SYNE2: variants seen among roughly 807,000 people sequenced by gnomAD.
SYNE2 encodes nesprin-2.
A neutral mutation model predicts 856.3 loss-of-function variants in SYNE2; 431 were observed. The ratio of observed to expected loss-of-function variants is 0.50; its 90% CI spans 0.47 to 0.55. The LOEUF is 0.55. Among genes scored for constraint, SYNE2 ranks in the 20% least tolerant of loss-of-function variants. The pLI, the probability that SYNE2 is intolerant of heterozygous loss-of-function variation, is 0.00. For synonymous variants in SYNE2, 2,923 were observed against 2,872.3 expected, an observed-to-expected ratio of 1.02 and a Z score of -0.56; for missense variants, 8,129 against 8,023.2, an observed-to-expected ratio of 1.01 and a Z score of -0.50.
chr14:63,997,032 A>C lies in SYNE2; in HGVS notation c.3026A>C (p.Gln1009Pro). Residue 1009 changes from glutamine (Q) to proline (P), a missense_variant, in exon 24 of 116, where the codon CAG (glutamine) becomes CCG (proline). By Grantham distance (76) the Gln-to-Pro change is moderately conservative. Coordinates refer to ENST00000555002, the MANE Select transcript of SYNE2 (RefSeq NM_182914.3). ...GAGCTGTGTGAAGAGCTGCCTTCAC[A>C]GAAGAGTCAACAAGAAGTGAAGAGA... Reference protein sequence around the residue: ...LRELCEELPSQKSQQEVKRLL... With the variant: ...LRELCEELPSPKSQQEVKRLL... 6.2e-7 allele frequency: 1 copy of C among 1,614,158 alleles called. No individual in the cohort carries two copies. The highest frequency in any genetic ancestry group is 1.1e-5 in the South Asian group (1 of 91,086).
intron 63 of SYNE2, chr14:64,099,595 G>A (rs916527099): frequency 9.2e-5 from 14 of 152,326 alleles, no homozygotes; most frequent in East Asian, 3.9e-4. Context: ...AGAGAACTAC[G>A]AAAATAATGG....
intron 65 of SYNE2, among the ~76,000 whole-genome samples, chr14:64,108,554 C>T (rs1473846859): frequency 6.6e-6 from 1 of 152,132 alleles, no homozygotes; most frequent in African/African-American, 2.4e-5. Context: ...CTCCAAGGGT[C>T]TCATCAAATA....
At chr14:64,113,634 G>C (rs2097830430) in intron 66 of SYNE2, 63 bp downstream of exon 66, 2 of 1,505,284 alleles carry the variant, frequency 1.3e-6, no homozygotes, top group Admixed American at 3.9e-5. Context: ...AAGATTGGGT[G>C]AATTTCTCTT....
At position 64,065,653 on chromosome 14, in the gene SYNE2, G is replaced by A; in HGVS notation, c.10431+3G>A. 2 of 1,613,840 alleles carry A rather than the reference G, an allele frequency of 1.2e-6. No homozygotes were observed. The highest frequency in any genetic ancestry group is 1.7e-6 in the Non-Finnish European group (2 of 1,179,858). On this transcript the variant is annotated splice_donor_region_variant and intron_variant, in intron 51 of 115. Coordinates refer to ENST00000555002, the MANE Select transcript of SYNE2 (RefSeq NM_182914.3). ...AATGGAAATTTGTCAGTGAAGAAGT[G>A]AGTGCTTCATTTTCAACAAACCATG...
chr14:64,211,274 G>A (rs775728184), intron 103 of SYNE2, among the ~76,000 whole-genome samples: 19 of 152,112 alleles, frequency 1.2e-4, no homozygotes, highest in Non-Finnish European at 2.4e-4. Context: ...CACCATGCCC[G>A]GCCTCTTGCA....
intron 7 of SYNE2, among the ~76,000 whole-genome samples, chr14:63,954,419 A>G (rs1291457121): frequency 6.6e-6 from 1 of 152,146 alleles, no homozygotes; most frequent in East Asian, 1.9e-4. Flanking sequence ...CCACCTCCAG[A>G]GTTTGATTCA....
chr14:63,983,562 A>G (rs1260159583), intron 17 of SYNE2, among the ~76,000 whole-genome samples, 175 bp from the exon 18 acceptor site: 1 of 152,174 alleles, frequency 6.6e-6, no homozygotes, highest in East Asian at 1.9e-4. Context: ...TTTTCAACTG[A>G]TTCTTAACAA....
At position 64,165,293 on chromosome 14, in the gene SYNE2, C is replaced by T. The variant is rs1423936364; in HGVS notation, c.16488C>T (p.Leu5496=). Reference sequence around the variant, plus strand: ...AATTTCTCTTGTTCTAGTTTGTTCTCTCACAGTTTAAGGATTTTGGAGTCC... The same window carrying T: ...AATTTCTCTTGTTCTAGTTTGTTCTTTCACAGTTTAAGGATTTTGGAGTCC... ...LVKANEFEFV[L]SQFKDFGVRL... Residue 5496 remains leucine, a synonymous_variant, in exon 90 of 116, where the codon CTC becomes CTT. Coordinates refer to ENST00000555002, the MANE Select transcript of SYNE2 (RefSeq NM_182914.3). 3.1e-6 allele frequency: 5 copies of T among 1,613,740 alleles called. No homozygotes were observed. The highest frequency in any genetic ancestry group is 1.7e-5 in the Admixed American group (1 of 60,010).
intron 73 of SYNE2, among the ~76,000 whole-genome samples, chr14:64,127,136 C>T (rs1420304299): frequency 6.6e-6 from 1 of 152,108 alleles, no homozygotes; most frequent in Non-Finnish European, 1.5e-5. Flanking sequence ...TGGTGTGTGC[C>T]TGTAATCCCA....
chr14:64,167,686 G>T, intron 92 of SYNE2, 47 bp downstream of exon 92: 2 of 1,613,228 alleles, frequency 1.2e-6, no homozygotes, highest in Non-Finnish European at 1.7e-6. Flanking sequence ...TCTGGGGCAG[G>T]AGTCAGGGAA....
At position 63,983,780 on chromosome 14, in the gene SYNE2, CT is replaced by C; in HGVS notation, c.2049del (p.Phe683LeufsTer24). 1 of 1,613,126 alleles carries C rather than the reference CT, an allele frequency of 6.2e-7. No homozygotes were observed. Among genetic ancestry groups the C allele is most frequent in the Non-Finnish European group, 8.5e-7 (1 of 1,179,364 alleles). On this transcript the variant is annotated frameshift_variant, in exon 18 of 116. Coordinates refer to ENST00000555002, the MANE Select transcript of SYNE2 (RefSeq NM_182914.3). LOFTEE classifies it high-confidence loss of function. ...PLMIKKQDQP[T>X]FDNSGNILSK... ...ATGATAAAAAAACAGGATCAGCCCA[CT>C]TTTGACAATTCTGGAAATATTCTAT...
chr14:64,013,133 A>T (rs1418039561), intron 32 of SYNE2, among the ~76,000 whole-genome samples: 1 of 152,206 alleles, frequency 6.6e-6, no homozygotes, highest in Non-Finnish European at 1.5e-5. Flanking sequence ...CAAAACCCAT[A>T]GTTCTGCCAA....
At chr14:64,121,175 T>C in intron 68 of SYNE2, 114 bp downstream of exon 68, 1 of 1,456,348 alleles carries the variant, frequency 6.9e-7, no homozygotes, top group Non-Finnish European at 9.5e-7. Flanking sequence ...GGATCACCTG[T>C]GGCCAGGTGT....
At chr14:64,108,794 T>A (rs1427417793) in intron 65 of SYNE2, among the ~76,000 whole-genome samples, 1 of 142,516 alleles carries the variant, frequency 7.0e-6, no homozygotes, top group Non-Finnish European at 1.6e-5. Context: ...TGGACAAATG[T>A]CAGAGGTTTA....
chr14:64,077,502 G>A (rs1269030052), intron 54 of SYNE2, among the ~76,000 whole-genome samples: 2 of 152,064 alleles, frequency 1.3e-5, no homozygotes, highest in South Asian at 4.1e-4. Flanking sequence ...AGGGACTTGG[G>A]CGCTTCTTGG....
At chr14:64,134,921 A>G (rs1342170363) in intron 78 of SYNE2, among the ~76,000 whole-genome samples, 1 of 152,024 alleles carries the variant, frequency 6.6e-6, no homozygotes, top group Non-Finnish European at 1.5e-5. Context: ...TGGGAGGTGG[A>G]GGTTGCAGTG....
intron 79 of SYNE2, among the ~76,000 whole-genome samples, chr14:64,138,946 G>GTATGGT (rs1465109787): frequency 4.4e-5 from 6 of 137,786 alleles, no homozygotes; most frequent in African/African-American, 1.7e-4. Context: ...GTGTATGTAT[G>GTATGGT]GTGTGTGTGT....
intron 99 of SYNE2, among the ~76,000 whole-genome samples, chr14:64,192,462 G>C (rs1397181679): frequency 6.6e-6 from 1 of 151,996 alleles, no homozygotes; most frequent in Non-Finnish European, 1.5e-5. Flanking sequence ...TGCTTTCCTC[G>C]CTCACTCTTT....
At chr14:63,957,264 ATTTTTTT>A (rs4027476) in intron 8 of SYNE2, among the ~76,000 whole-genome samples, 15 of 110,816 alleles carry the variant, frequency 1.4e-4, no homozygotes, top group African/African-American at 3.0e-4. Context: ...TGCCCAGCTA[ATTTTTTT>A]TTTTTTTTTT....
Sources: gnomAD v4.1 joint callset for allele counts (sites outside exome capture counted in the v4.1 genomes callset) on GRCh38, gnomAD v4.1.1 for gene constraint, MANE v1.5 for transcripts, NCBI Gene and HGNC (gene_info 2026-07-23, HGNC 2026-07-21) for gene names.